Variants in CNTN5 observed in about 807,000 individuals in gnomAD.
The protein encoded by CNTN5 is contactin-5.
In CNTN5, 77 loss-of-function variants were observed where a neutral mutation model predicts 129.1. The observed-to-expected ratio is 0.60, with a 90% CI of 0.50 to 0.72. The LOEUF is 0.72. Among genes scored for constraint, CNTN5 ranks in the 30% least tolerant of loss-of-function variants. The probability of loss-of-function intolerance (pLI) is 0.00; values close to 1 mark genes in which losing one functional copy is unlikely to be tolerated. For missense variants in CNTN5, 1,478 were observed against 1,328.8 expected (o/e 1.11, Z -1.75); for synonymous variants, 509 against 465.6 (o/e 1.09, Z -1.20).
chr11:99,830,582 C>G (rs914779021), intron 4 of CNTN5, among the ~76,000 whole-genome samples: 3 of 152,062 alleles, frequency 2.0e-5, no homozygotes, highest in African/African-American at 7.2e-5. Flanking sequence ...TAAGAATTCT[C>G]TCTTGGAGGG....
At chr11:99,332,095 G>C (rs1866024083) in intron 2 of CNTN5, among the ~76,000 whole-genome samples, 1 of 152,024 alleles carries the variant, frequency 6.6e-6, no homozygotes, top group African/African-American at 2.4e-5. Context: ...TTGTTATATA[G>C]CAATAGCTAA....
intron 1 of CNTN5, among the ~76,000 whole-genome samples, chr11:99,190,180 C>T (rs1858565005): frequency 6.6e-6 from 1 of 151,532 alleles, no homozygotes; most frequent in African/African-American, 2.4e-5. Flanking sequence ...CTGTTGGCAC[C>T]TTTGTCAAAA....
At chr11:99,496,079 G>A (rs1229754984) in intron 2 of CNTN5, among the ~76,000 whole-genome samples, 2 of 152,128 alleles carry the variant, frequency 1.3e-5, no homozygotes, top group African/African-American at 4.8e-5. Context: ...GTGAACTGTT[G>A]AGTATCTTAG....
At chr11:99,779,229 T>C (rs1372549901) in intron 3 of CNTN5, among the ~76,000 whole-genome samples, 3 of 151,990 alleles carry the variant, frequency 2.0e-5, no homozygotes, top group African/African-American at 7.2e-5. Flanking sequence ...TGTAGAATTT[T>C]AGGCAAGAAA....
intron 3 of CNTN5, among the ~76,000 whole-genome samples, chr11:99,641,253 T>A (rs1951759848): frequency 6.6e-6 from 1 of 152,126 alleles, no homozygotes; most frequent in African/African-American, 2.4e-5. Context: ...GTCTGCACAC[T>A]GAATTATCAG....
intron 2 of CNTN5, among the ~76,000 whole-genome samples, chr11:99,326,042 A>C (rs566861354): frequency 6.6e-6 from 1 of 152,214 alleles, no homozygotes; most frequent in East Asian, 1.9e-4. Flanking sequence ...GCATTCTTAC[A>C]TATTTACGTA....
intron 3 of CNTN5, among the ~76,000 whole-genome samples, chr11:99,612,784 T>C (rs1397768269): frequency 6.6e-6 from 1 of 152,234 alleles, no homozygotes; most frequent in Admixed American, 6.5e-5. Context: ...TTATTATTCT[T>C]TATTTGAAAG....
At chr11:100,066,672 A>C (rs1565208588) in intron 10 of CNTN5, among the ~76,000 whole-genome samples, 1 of 151,932 alleles carries the variant, frequency 6.6e-6, no homozygotes, top group Non-Finnish European at 1.5e-5. Flanking sequence ...AGATTTTAAA[A>C]AGTTATTAGG....
At position 100,006,564 on chromosome 11, in the gene CNTN5, A is replaced by G. The variant is rs191683671; in HGVS notation, c.980+4428A>G. On this transcript the variant is annotated intron_variant, in intron 9 of 24. Transcript: ENST00000524871. ...TCCATAAGAAGCAACTCTTCATTCA[A>G]CTTTTATCGTGAGATTGCAGCAATT... 1.2e-3 allele frequency among the ~76,000 whole-genome samples: 181 copies of G among 152,166 alleles called. 2 individuals carry two copies. Among genetic ancestry groups the G allele is most frequent in the African/African-American group, 4.1e-3 (171 of 41,528 alleles).
At chr11:100,214,208 C>A (rs1342104436) in intron 15 of CNTN5, among the ~76,000 whole-genome samples, 1 of 152,000 alleles carries the variant, frequency 6.6e-6, no homozygotes, top group African/African-American at 2.4e-5. Context: ...TATGAAAGTT[C>A]TTCTACCATT....
chr11:99,755,177 T>C (rs1039115314), intron 3 of CNTN5, among the ~76,000 whole-genome samples: 4 of 152,184 alleles, frequency 2.6e-5, no homozygotes, highest in African/African-American at 7.2e-5. Context: ...TGAATGAAAC[T>C]GTTATAAACA....
chr11:99,729,988 G>T (rs979376832), intron 3 of CNTN5, among the ~76,000 whole-genome samples: 1 of 152,048 alleles, frequency 6.6e-6, no homozygotes, highest in Non-Finnish European at 1.5e-5. Context: ...AGAGGTTAAC[G>T]TGTGCCATAG....
chr11:99,555,142 A>C (rs775454716), intron 2 of CNTN5, among the ~76,000 whole-genome samples: 2 of 152,032 alleles, frequency 1.3e-5, no homozygotes, highest in African/African-American at 2.4e-5. Flanking sequence ...TTACATTATG[A>C]TCTAGCTAGG....
chr11:99,283,243 G>T (rs1863778143), intron 1 of CNTN5, among the ~76,000 whole-genome samples: 1 of 152,036 alleles, frequency 6.6e-6, no homozygotes, highest in Non-Finnish European at 1.5e-5. Context: ...ATCAATTATT[G>T]TATCAATATA....
At chr11:100,273,502 G>C (rs1402252824) in intron 18 of CNTN5, among the ~76,000 whole-genome samples, 1 of 152,132 alleles carries the variant, frequency 6.6e-6, no homozygotes, top group East Asian at 1.9e-4. Flanking sequence ...CTTGCTTTAA[G>C]AATGCGCAGA....
chr11:100,019,438 T>C (rs1028122601), intron 9 of CNTN5, among the ~76,000 whole-genome samples: 3 of 152,112 alleles, frequency 2.0e-5, no homozygotes, highest in Admixed American at 1.3e-4. Flanking sequence ...AATGAGATCA[T>C]GCAATATTCG....
At chr11:99,714,557 C>T (rs1955139253) in intron 3 of CNTN5, among the ~76,000 whole-genome samples, 1 of 152,008 alleles carries the variant, frequency 6.6e-6, no homozygotes, top group Middle Eastern at 3.4e-3. Context: ...GGATTCTGTG[C>T]CATGCTGGTT....
chr11:99,934,657 G>A (rs1427417569), intron 7 of CNTN5, among the ~76,000 whole-genome samples: 1 of 151,880 alleles, frequency 6.6e-6, no homozygotes, highest in African/African-American at 2.4e-5. Flanking sequence ...GGCCATGGTG[G>A]GTGGATCCCC....
At chr11:100,181,646 T>C (rs1360871292) in intron 13 of CNTN5, among the ~76,000 whole-genome samples, 2 of 152,038 alleles carry the variant, frequency 1.3e-5, no homozygotes, top group African/African-American at 4.8e-5. Flanking sequence ...TATTATACTA[T>C]AATTTTGTAA....
Sources: allele counts gnomAD v4.1 joint callset (sites outside exome capture counted in the v4.1 genomes callset), GRCh38; gene constraint gnomAD v4.1.1; transcripts MANE v1.5; gene names NCBI Gene and HGNC (gene_info 2026-07-23, HGNC 2026-07-21).